The following SLC10A7 variants were observed in gnomAD, a reference collection of about 807,000 sequenced individuals.
The protein encoded by SLC10A7 is solute carrier family 10 member 7.
In SLC10A7, 29 loss-of-function variants were observed where a neutral mutation model predicts 43.2. The ratio of observed to expected loss-of-function variants is 0.67; its 90% CI spans 0.50 to 0.92. The LOEUF (loss-of-function observed/expected upper bound fraction) is 0.92. Ranked by LOEUF, SLC10A7 falls within the 40% of genes least tolerant of loss-of-function variation. SLC10A7 has a pLI of 0.00. For synonymous variants in SLC10A7, 152 were observed against 144.8 expected, an observed-to-expected ratio of 1.05 and a Z score of -0.35; for missense variants, 295 against 403.2, an observed-to-expected ratio of 0.73 and a Z score of 2.30.
chr4:146,310,574 C>T (rs1302806365), intron 6 of SLC10A7, among the ~76,000 whole-genome samples: 1 of 151,952 alleles, frequency 6.6e-6, no homozygotes, highest in Non-Finnish European at 1.5e-5. Flanking sequence ...CTGATGATTA[C>T]TGATGTTGAG....
intron 5 of SLC10A7, among the ~76,000 whole-genome samples, chr4:146,330,678 TA>T (rs1332303087): frequency 1.3e-5 from 2 of 152,170 alleles, no homozygotes; most frequent in Non-Finnish European, 2.9e-5. Flanking sequence ...ATTTATGCAG[TA>T]CTTATGCTGC....
At chr4:146,366,051 T>G (rs920523617) in intron 5 of SLC10A7, among the ~76,000 whole-genome samples, 1 of 152,190 alleles carries the variant, frequency 6.6e-6, no homozygotes, top group Admixed American at 6.5e-5. Flanking sequence ...CCTGATGATC[T>G]GAGGTAAAAC....
At chr4:146,354,580 A>C (rs1735421406) in intron 5 of SLC10A7, among the ~76,000 whole-genome samples, 1 of 148,730 alleles carries the variant, frequency 6.7e-6, no homozygotes, top group Admixed American at 6.7e-5. Flanking sequence ...CGCATCGCCA[A>C]GTCAATCCTA....
At chr4:146,407,268 G>T (rs531123974) in intron 5 of SLC10A7, among the ~76,000 whole-genome samples, 1 of 152,222 alleles carries the variant, frequency 6.6e-6, no homozygotes, top group South Asian at 2.1e-4. Flanking sequence ...TATTTAATGT[G>T]TACAATTTTA....
At chr4:146,350,483 T>A (rs1206701729) in intron 5 of SLC10A7, among the ~76,000 whole-genome samples, 1 of 141,658 alleles carries the variant, frequency 7.1e-6, no homozygotes, top group East Asian at 2.0e-4. Context: ...CCAGGCTTGC[T>A]TAGGTAAACA....
At chr4:146,446,774 AT>A (rs1731132807) in intron 4 of SLC10A7, among the ~76,000 whole-genome samples, 1 of 151,602 alleles carries the variant, frequency 6.6e-6, no homozygotes, top group African/African-American at 2.4e-5. Context: ...CTATCTATCT[AT>A]CTATCTATCT....
At chr4:146,367,737 C>G (rs1736495705) in intron 5 of SLC10A7, among the ~76,000 whole-genome samples, 1 of 152,060 alleles carries the variant, frequency 6.6e-6, no homozygotes, top group Non-Finnish European at 1.5e-5. Context: ...ATTGCTTTAT[C>G]CAACATTTGT....
chr4:146,442,608 A>G (rs1730690064), intron 5 of SLC10A7, 175 bp downstream of exon 5: 3 of 1,454,886 alleles, frequency 2.1e-6, no homozygotes, highest in South Asian at 1.4e-5. Context: ...GTAAGAGAAC[A>G]TTTGCTTTAT....
Position 146,325,896 on chromosome 4 carries a change from C to T in SLC10A7, c.471+65G>A. 3 of 1,405,492 alleles carry T rather than the reference C, an allele frequency of 2.1e-6. No homozygotes were observed. The South Asian group carries it at 3.8e-5, about 18-fold the overall frequency. 87.1% of individuals were successfully genotyped at this position (1,405,492 alleles called of 1,614,324 possible). On this transcript the variant is annotated intron_variant, in intron 6 of 11. Transcript: ENST00000335472. ...TCAAATTTCATTTTTGTTCTAATGACCTTTCTTAAAGGGTTGTAGATAGCT... is the reference window on the plus strand; with the variant it reads ...TCAAATTTCATTTTTGTTCTAATGATCTTTCTTAAAGGGTTGTAGATAGCT...
intron 5 of SLC10A7, among the ~76,000 whole-genome samples, chr4:146,338,412 A>C (rs943886587): frequency 1.3e-5 from 2 of 151,900 alleles, no homozygotes; most frequent in Non-Finnish European, 2.9e-5. Context: ...TAGACAAGGA[A>C]TTGTTCAGAA....
At position 146,359,928 on chromosome 4, in the gene SLC10A7, T is replaced by C. The variant is rs138284543; in HGVS notation, c.436-33932A>G. Among the ~76,000 whole-genome samples the C allele has an allele frequency of 5.9e-5, 9 of 152,260 alleles. No homozygotes were observed. The East Asian group carries it at 1.7e-3, about 29-fold the overall frequency. On this transcript the variant is annotated intron_variant, in intron 5 of 11. Coordinates refer to ENST00000335472, the MANE Select transcript of SLC10A7 (RefSeq NM_001029998.6). ...AAGATGCTGGTCAGAAAGTTAGAAG[T>C]GTTTCCAGTCCCACTCTGCACTGAC...
intron 5 of SLC10A7, among the ~76,000 whole-genome samples, chr4:146,355,962 C>T (rs1171314446): frequency 2.7e-5 from 4 of 149,850 alleles, no homozygotes; most frequent in Admixed American, 2.0e-4. Context: ...GTGGGTGCAG[C>T]GCACCAGCAT....
chr4:146,374,922 C>T (rs540721571), intron 5 of SLC10A7, among the ~76,000 whole-genome samples: 1 of 152,144 alleles, frequency 6.6e-6, no homozygotes, highest in Admixed American at 6.5e-5. Context: ...ATCTCAAAAA[C>T]CCACTAGGTG....
At chr4:146,466,166 G>T (rs1289839646) in intron 4 of SLC10A7, among the ~76,000 whole-genome samples, 1 of 151,888 alleles carries the variant, frequency 6.6e-6, no homozygotes, top group African/African-American at 2.4e-5. Flanking sequence ...ATCTTTTGAG[G>T]GATTACATGT....
At chr4:146,515,664 C>T (rs1399137056) in intron 2 of SLC10A7, among the ~76,000 whole-genome samples, 1 of 152,014 alleles carries the variant, frequency 6.6e-6, no homozygotes, top group Non-Finnish European at 1.5e-5. Context: ...AATCCCAACA[C>T]TATGGGAGGC....
intron 4 of SLC10A7, among the ~76,000 whole-genome samples, chr4:146,492,303 T>C (rs1735534729): frequency 6.6e-6 from 1 of 152,198 alleles, no homozygotes; most frequent in Non-Finnish European, 1.5e-5. Context: ...CTAAAGTTTG[T>C]AGCAATGCAA....
intron 5 of SLC10A7, among the ~76,000 whole-genome samples, chr4:146,380,681 A>C (rs1737551148): frequency 6.6e-6 from 1 of 152,150 alleles, no homozygotes; most frequent in Non-Finnish European, 1.5e-5. Flanking sequence ...TTCTGAAATG[A>C]ATTCATTTGA....
At chr4:146,401,933 T>C (rs1739254402) in intron 5 of SLC10A7, among the ~76,000 whole-genome samples, 1 of 152,200 alleles carries the variant, frequency 6.6e-6, no homozygotes, top group Non-Finnish European at 1.5e-5. Flanking sequence ...TTAAAGATGA[T>C]AATTAGGTAT....
intron 10 of SLC10A7, among the ~76,000 whole-genome samples, chr4:146,261,997 AT>A (rs1267000651): frequency 2.0e-5 from 3 of 152,186 alleles, no homozygotes; most frequent in African/African-American, 7.2e-5. Flanking sequence ...TTGTAAATGG[AT>A]TCTTTTTCTG....
Sources: gnomAD v4.1 joint callset for allele counts (sites outside exome capture counted in the v4.1 genomes callset) on GRCh38, gnomAD v4.1.1 for gene constraint, MANE v1.5 for transcripts, NCBI Gene and HGNC (gene_info 2026-07-23, HGNC 2026-07-21) for gene names.